Variants in SPACDR observed in about 807,000 individuals in gnomAD.
The protein encoded by SPACDR is sperm acrosome developmental regulator.
chr7:100,456,792 G>A, the SPACDR span: 42 of 1,612,828 alleles, frequency 2.6e-5, no homozygotes, highest in Admixed American at 8.4e-5. Context: ...GGACTGAGCC[G>A]GGTTGGGTCG....
At chr7:100,462,026 G>A in the SPACDR span, among the ~76,000 whole-genome samples, 1 of 149,852 alleles carries the variant, frequency 6.7e-6, no homozygotes, top group Non-Finnish European at 1.5e-5. Flanking sequence ...GACTCCTTAG[G>A]TTTGGATAAC....
At chr7:100,457,791 T>TTA in the SPACDR span, among the ~76,000 whole-genome samples, 8 of 107,524 alleles carry the variant, frequency 7.4e-5, no homozygotes, top group East Asian at 2.9e-4. Flanking sequence ...CGGCTAACTT[T>TTA]TATATATATA....
chr7:100,463,138 AAAAG>A, the SPACDR span, among the ~76,000 whole-genome samples: 1 of 151,204 alleles, frequency 6.6e-6, no homozygotes, highest in Non-Finnish European at 1.5e-5. Context: ...AAGAAAAAGA[AAAAG>A]AAAAAGATAT....
the SPACDR span, among the ~76,000 whole-genome samples, chr7:100,460,726 C>T: frequency 6.0e-5 from 9 of 150,862 alleles, no homozygotes; most frequent in Non-Finnish European, 8.9e-5. Flanking sequence ...ATATAGCTCA[C>T]TGTGGCCTTG....
chr7:100,458,128 C>T, the SPACDR span, among the ~76,000 whole-genome samples: 1 of 151,048 alleles, frequency 6.6e-6, no homozygotes, highest in Non-Finnish European at 1.5e-5. Flanking sequence ...ATATCATAGT[C>T]AGGATATTGA....
At chr7:100,463,571 A>C in the SPACDR span, 8 of 1,613,864 alleles carry the variant, frequency 5.0e-6, no homozygotes, top group Admixed American at 1.0e-4. Flanking sequence ...TGGGAGCTCG[A>C]CCAACCTCAA....
At chr7:100,460,874 C>A in the SPACDR span, among the ~76,000 whole-genome samples, 1 of 151,946 alleles carries the variant, frequency 6.6e-6, no homozygotes, top group African/African-American at 2.4e-5. Flanking sequence ...AGCTTACAAT[C>A]CTACCCAAAT....
At chr7:100,464,009 T>G in the SPACDR span, 1 of 1,554,092 alleles carries the variant, frequency 6.4e-7, no homozygotes, top group Non-Finnish European at 8.7e-7. Flanking sequence ...TCGGAAGAAC[T>G]TCATGACCAC....
chr7:100,463,568 T>A, the SPACDR span: 1 of 1,613,976 alleles, frequency 6.2e-7, no homozygotes, highest in Non-Finnish European at 8.5e-7. Flanking sequence ...TTTTGGGAGC[T>A]CGACCAACCT....
At chr7:100,459,174 T>A in the SPACDR span, among the ~76,000 whole-genome samples, 2 of 145,326 alleles carry the variant, frequency 1.4e-5, no homozygotes, top group Admixed American at 1.4e-4. Context: ...TGGCTAATTT[T>A]TTTGTATTTT....
At chr7:100,464,087 G>T in the SPACDR span, 1 of 1,513,608 alleles carries the variant, frequency 6.6e-7, no homozygotes. Flanking sequence ...GGTGGGGGTG[G>T]CGGGTGGGGG....
the SPACDR span, among the ~76,000 whole-genome samples, chr7:100,462,003 A>T: frequency 6.6e-6 from 1 of 150,792 alleles, no homozygotes; most frequent in South Asian, 2.1e-4. Flanking sequence ...AAAAAAAAAA[A>T]AAGGCCTCAC....
the SPACDR span, chr7:100,463,723 A>AG: frequency 6.4e-7 from 1 of 1,559,866 alleles, no homozygotes; most frequent in Non-Finnish European, 8.8e-7. Flanking sequence ...GACAGGAGAG[A>AG]GGGGCAGGGC....
At chr7:100,463,295 T>G in the SPACDR span, 1 of 1,287,052 alleles carries the variant, frequency 7.8e-7, no homozygotes, top group Non-Finnish European at 1.1e-6. Flanking sequence ...GTTGAACAAG[T>G]AATCAGAGGG....
At chr7:100,461,925 G>A in the SPACDR span, among the ~76,000 whole-genome samples, 3 of 149,788 alleles carry the variant, frequency 2.0e-5, no homozygotes, top group Admixed American at 1.3e-4. Flanking sequence ...CCCAGGAGGC[G>A]GAGCTTGCAG....
At chr7:100,463,458 G>C in the SPACDR span, 1 of 1,613,776 alleles carries the variant, frequency 6.2e-7, no homozygotes. Flanking sequence ...AGTAGGGATT[G>C]GCCCTGTTGG....
chr7:100,457,841 G>GTGTA, the SPACDR span, among the ~76,000 whole-genome samples: 10 of 85,102 alleles, frequency 1.2e-4, no homozygotes, highest in South Asian at 4.2e-4. Flanking sequence ...GTGTGTGTGT[G>GTGTA]TATATATATA....
At chr7:100,459,068 A>G in the SPACDR span, among the ~76,000 whole-genome samples, 2 of 146,686 alleles carry the variant, frequency 1.4e-5, no homozygotes, top group East Asian at 4.2e-4. Flanking sequence ...CAGTGGCACA[A>G]TCTTGGCTCA....
At chr7:100,459,534 C>A in the SPACDR span, among the ~76,000 whole-genome samples, 19 of 152,144 alleles carry the variant, frequency 1.2e-4, no homozygotes, top group African/African-American at 4.3e-4. Context: ...AGGTGATATG[C>A]CTGCCTTGGC....
Sources: gnomAD v4.1 joint callset for allele counts (sites outside exome capture counted in the v4.1 genomes callset) on GRCh38, gnomAD v4.1.1 for gene constraint, MANE v1.5 for transcripts, NCBI Gene and HGNC (gene_info 2026-07-23, HGNC 2026-07-21) for gene names.